The following FGF13 variants were observed in gnomAD, a reference collection of about 807,000 sequenced individuals.
FGF13 encodes fibroblast growth factor 13.
FGF13 carries 2 observed loss-of-function variants against 19.5 expected under a neutral mutation model. The ratio of observed to expected loss-of-function variants is 0.10; its 90% CI spans 0.04 to 0.32. The LOEUF is 0.32. Among genes scored for constraint, FGF13 ranks in the 10% least tolerant of loss-of-function variants. FGF13 has a pLI of 1.00. For missense variants in FGF13, 113 were observed against 192.7 expected, an observed-to-expected ratio of 0.59 and a Z score of 2.45; for synonymous variants, 72 against 76.9, an observed-to-expected ratio of 0.94 and a Z score of 0.33.
At chrX:138,909,789 T>C (rs181428825) in intron 1 of FGF13, among the ~76,000 whole-genome samples, 96 of 112,006 alleles carry the variant, frequency 8.6e-4, no homozygotes, top group Non-Finnish European at 1.5e-3. Flanking sequence ...AGCATGTTTA[T>C]GAGGATTAAA....
chrX:138,996,575 T>C (rs2092044144), intron 1 of FGF13, among the ~76,000 whole-genome samples: 1 of 112,458 alleles, frequency 8.9e-6, no homozygotes, highest in Non-Finnish European at 1.9e-5. Flanking sequence ...TGCTGGGAAG[T>C]TCAAACTGGG....
At chrX:139,179,840 T>C (rs1409317710) in intron 1 of FGF13, among the ~76,000 whole-genome samples, 2 of 113,137 alleles carry the variant, frequency 1.8e-5, no homozygotes, top group Non-Finnish European at 3.7e-5. Flanking sequence ...TAAATGTTTG[T>C]TGAAGGCATG....
chrX:138,819,397 T>A (rs2090983667), intron 3 of FGF13, among the ~76,000 whole-genome samples: 1 of 111,353 alleles, frequency 9.0e-6, no homozygotes, highest in Non-Finnish European at 1.9e-5. Context: ...TTGGAGTGAA[T>A]AATGAATGCT....
At chrX:138,861,649 G>A (rs1171032105) in intron 2 of FGF13, among the ~76,000 whole-genome samples, 6 of 112,205 alleles carry the variant, frequency 5.3e-5, no homozygotes, top group African/African-American at 1.6e-4. Flanking sequence ...CACATAGTAA[G>A]TTATTGAAAA....
chrX:138,739,953 C>G (rs2090308029), upstream of FGF13, among the ~76,000 whole-genome samples: 1 of 111,869 alleles, frequency 8.9e-6, no homozygotes, highest in Non-Finnish European at 1.9e-5. Flanking sequence ...TATGAAAAGG[C>G]TTTTAGCTAA....
At chrX:138,808,791 C>T (rs989201742) in intron 3 of FGF13, among the ~76,000 whole-genome samples, 1 of 111,917 alleles carries the variant, frequency 8.9e-6, no homozygotes, top group Non-Finnish European at 1.9e-5. Context: ...GAAATACAAA[C>T]TACCATCAGA....
intron 1 of FGF13, among the ~76,000 whole-genome samples, chrX:139,024,822 C>A (rs1214093010): frequency 1.8e-5 from 2 of 111,319 alleles, no homozygotes; most frequent in African/African-American, 6.5e-5. Context: ...TCCTACCCAA[C>A]ATTATGATCA....
chrX:139,191,952 G>A (rs762499646), intron 1 of FGF13, among the ~76,000 whole-genome samples: 6 of 111,444 alleles, frequency 5.4e-5, no homozygotes, highest in Non-Finnish European at 9.4e-5. Flanking sequence ...TGGCATGCCC[G>A]AAGCTCCCTC....
chrX:138,938,426 T>C (rs1252637828), intron 1 of FGF13, among the ~76,000 whole-genome samples: 1 of 111,770 alleles, frequency 8.9e-6, no homozygotes, highest in African/African-American at 3.3e-5. Flanking sequence ...AGAACTTCAT[T>C]CCTTGCCTAC....
intron 3 of FGF13, among the ~76,000 whole-genome samples, chrX:138,759,745 C>T (rs1039530933): frequency 6.3e-5 from 7 of 111,686 alleles, no homozygotes; most frequent in East Asian, 5.7e-4. Flanking sequence ...ATGTGACTTT[C>T]GACAATTACA....
intron 1 of FGF13, among the ~76,000 whole-genome samples, chrX:139,031,809 T>C (rs1302551414): frequency 9.0e-6 from 1 of 110,786 alleles, no homozygotes; most frequent in Admixed American, 9.6e-5. Flanking sequence ...GTGCATAGTT[T>C]GACTTCAGTG....
At chrX:138,953,322 G>T (rs569402512) in intron 1 of FGF13, among the ~76,000 whole-genome samples, 7 of 110,542 alleles carry the variant, frequency 6.3e-5, no homozygotes, top group Admixed American at 2.9e-4. Context: ...GCAAACTATC[G>T]CAAGGACAGA....
chrX:138,941,058 T>C (rs1313397124), intron 1 of FGF13, among the ~76,000 whole-genome samples: 1 of 111,222 alleles, frequency 9.0e-6, no homozygotes, highest in Non-Finnish European at 1.9e-5. Flanking sequence ...TGAAGGAACA[T>C]ACCTCCAAAT....
Position 138,625,286 on chromosome X carries a change from G to T in FGF13, c.*7564C>A, listed in dbSNP as rs1012786000. On this transcript the variant is annotated 3_prime_UTR_variant, in exon 5 of 5. Coordinates refer to ENST00000315930, the MANE Select transcript of FGF13 (RefSeq NM_004114.5). ...GGAGATCCTCATAAAAGTAAAAATA[G>T]AACTACTGTATGATCCAGCATTCCC... 3 of 107,527 alleles carry T rather than the reference G, an allele frequency of 2.8e-5. No homozygotes were observed. Among genetic ancestry groups the T allele is most frequent in the Non-Finnish European group, 5.8e-5 (3 of 52,152 alleles). The allele number at this position is 107,527 out of a possible 1,213,427, so 8.9% of individuals were successfully genotyped here.
At chrX:138,862,805 C>T (rs1430870432) in intron 2 of FGF13, among the ~76,000 whole-genome samples, 2 of 112,078 alleles carry the variant, frequency 1.8e-5, no homozygotes, top group Non-Finnish European at 3.8e-5. Flanking sequence ...AAGGTAGAAA[C>T]AACTTTTCAA....
At chrX:138,748,908 C>CA (rs1295357018) in intron 3 of FGF13, among the ~76,000 whole-genome samples, 5 of 111,403 alleles carry the variant, frequency 4.5e-5, no homozygotes, top group African/African-American at 1.6e-4. Context: ...AAATAAGAGG[C>CA]AAAATCACAA....
At chrX:138,984,840 G>T (rs753842955) in intron 1 of FGF13, among the ~76,000 whole-genome samples, 131 of 82,750 alleles carry the variant, frequency 1.6e-3, no homozygotes, top group Non-Finnish European at 3.1e-3. Flanking sequence ...GTGTGTGTGT[G>T]TTTTAATTTT....
chrX:138,984,588 A>AAGAAGAAGAAGAAGAAGAAGGAGGAGG (rs2091982501), intron 1 of FGF13, among the ~76,000 whole-genome samples: 3 of 11,513 alleles, frequency 2.6e-4, no homozygotes, highest in African/African-American at 2.8e-4. Flanking sequence ...GAAGAAGAAG[A>AAGAAGAAGAAGAAGAAGAAGGAGGAGG]AGGAGGAGGA....
At chrX:139,033,207 T>A (rs1469166620) in intron 1 of FGF13, among the ~76,000 whole-genome samples, 1 of 110,954 alleles carries the variant, frequency 9.0e-6, no homozygotes, top group Admixed American at 9.6e-5. Flanking sequence ...CAAATCAATT[T>A]TCTTTGGAAA....
Sources: allele counts gnomAD v4.1 joint callset (sites outside exome capture counted in the v4.1 genomes callset), GRCh38; gene constraint gnomAD v4.1.1; transcripts MANE v1.5; gene names NCBI Gene and HGNC (gene_info 2026-07-23, HGNC 2026-07-21).